RIN2: variants seen among roughly 807,000 people sequenced by gnomAD.
The protein encoded by RIN2 is RAB5 interacting protein 2.
Under a neutral mutation model 78.0 loss-of-function variants are expected in RIN2, and 36 were observed. That is an observed-to-expected ratio of 0.46 (90% CI 0.35 to 0.61). The LOEUF (loss-of-function observed/expected upper bound fraction) is 0.61, where lower values mean the gene tolerates loss of function less well. Among genes scored for constraint, RIN2 ranks in the 20% least tolerant of loss-of-function variants. The pLI is 0.00. For synonymous variants in RIN2, 466 were observed against 466.8 expected, an observed-to-expected ratio of 1.00 and a Z score of 0.02; for missense variants, 1,087 against 1,159.7, an observed-to-expected ratio of 0.94 and a Z score of 0.91.
At chr20:19,800,935 C>G (rs1043328565) in intron 2 of RIN2, among the ~76,000 whole-genome samples, 1 of 152,218 alleles carries the variant, frequency 6.6e-6, no homozygotes, top group Admixed American at 6.5e-5. Context: ...CCAGAGCTGC[C>G]TGATTTCAAG....
chr20:19,790,190 G>A (rs964360908), intron 1 of RIN2, among the ~76,000 whole-genome samples: 7 of 151,766 alleles, frequency 4.6e-5, no homozygotes, highest in Non-Finnish European at 8.8e-5. Flanking sequence ...ACTGCCTTTT[G>A]GATTTCTCAA....
At chr20:19,963,646 G>A (rs1245883302) in intron 6 of RIN2, among the ~76,000 whole-genome samples, 1 of 150,280 alleles carries the variant, frequency 6.7e-6, no homozygotes, top group African/African-American at 2.4e-5. Context: ...CAAAATAAAT[G>A]AGGGTATGAG....
intron 4 of RIN2, among the ~76,000 whole-genome samples, chr20:19,945,124 A>G (rs1427430165): frequency 6.6e-6 from 1 of 152,156 alleles, no homozygotes; most frequent in East Asian, 1.9e-4. Flanking sequence ...ACACAGGGAA[A>G]CTGAGATTAA....
intron 2 of RIN2, among the ~76,000 whole-genome samples, chr20:19,849,995 G>T (rs1217519884): frequency 6.6e-6 from 1 of 151,960 alleles, no homozygotes; most frequent in Non-Finnish European, 1.5e-5. Flanking sequence ...TCTATTTTTG[G>T]TTTTATACAA....
intron 3 of RIN2, among the ~76,000 whole-genome samples, chr20:19,906,377 A>T (rs1357135248): frequency 1.3e-5 from 2 of 152,154 alleles, no homozygotes; most frequent in African/African-American, 4.8e-5. Flanking sequence ...TGAGCCCAGG[A>T]GGTTGAGGCT....
At chr20:19,934,067 C>T (rs1182732712) in intron 3 of RIN2, among the ~76,000 whole-genome samples, 1 of 152,152 alleles carries the variant, frequency 6.6e-6, no homozygotes, top group East Asian at 1.9e-4. Context: ...GCCTCGGCCT[C>T]CCAAAGTGCT....
At chr20:19,891,489 C>T (rs2038459097) in intron 3 of RIN2, among the ~76,000 whole-genome samples, 1 of 152,170 alleles carries the variant, frequency 6.6e-6, no homozygotes, top group African/African-American at 2.4e-5. Flanking sequence ...GGAGCCGTAT[C>T]TTACATAGTA....
chr20:19,905,275 C>G (rs939689490), intron 3 of RIN2, among the ~76,000 whole-genome samples: 11 of 152,202 alleles, frequency 7.2e-5, no homozygotes. Context: ...CTGTCATGTG[C>G]ATTTTTCAGG....
intron 9 of RIN2, among the ~76,000 whole-genome samples, chr20:19,986,956 C>T (rs1203488128): frequency 6.6e-6 from 1 of 152,248 alleles, no homozygotes; most frequent in Non-Finnish European, 1.5e-5. Context: ...GGCCCAGATC[C>T]TCCCCAAGGG....
rs750843136 is a variant in RIN2, at chr20:19,996,849, A to G, written c.2364+7A>G. 2.5e-5 allele frequency: 39 copies of G among 1,576,170 alleles called. No individual in the cohort carries two copies. The East Asian group carries it at 8.6e-4, about 35-fold the overall frequency. On this transcript the variant is annotated splice_region_variant and intron_variant, in intron 12 of 12. Transcript: ENST00000255006. ...CTCTGTGGACGACTTCCAGGTGTGC[A>G]GCTGGCCACCCCTTTGCTTCCTTCG...
rs1016445362 is a variant in RIN2 at position 20,001,184 on chromosome 20, T to C, written c.*248T>C. 2 of 486,518 alleles carry C rather than the reference T, an allele frequency of 4.1e-6. No homozygotes were observed. The highest frequency in any genetic ancestry group is 3.8e-5 in the African/African-American group (2 of 52,330). The allele number at this position is 486,518 out of a possible 1,614,324, so 30.1% of individuals were successfully genotyped here. A position where few individuals can be genotyped will look rare whatever the true frequency, so the allele number is the denominator to read the frequency against. On this transcript the variant is annotated 3_prime_UTR_variant, in exon 13 of 13. Transcript: ENST00000255006. ...TCTGATGGTTCAAGTGTCCTGAGATTGTTTGCTACCTACCCCCAGTCAGGT... is the reference window on the plus strand; with the variant it reads ...TCTGATGGTTCAAGTGTCCTGAGATCGTTTGCTACCTACCCCCAGTCAGGT...
intron 3 of RIN2, among the ~76,000 whole-genome samples, chr20:19,897,044 G>A (rs2038763528): frequency 6.6e-6 from 1 of 151,984 alleles, no homozygotes; most frequent in Non-Finnish European, 1.5e-5. Context: ...ATTATTCCAT[G>A]TCTTTGAAAC....
intron 2 of RIN2, among the ~76,000 whole-genome samples, chr20:19,825,609 C>G (rs931968368): frequency 6.6e-6 from 1 of 152,180 alleles, no homozygotes; most frequent in East Asian, 1.9e-4. Context: ...TTAAGCTGAG[C>G]CCTTCATTCT....
intron 9 of RIN2, among the ~76,000 whole-genome samples, chr20:19,985,500 A>T (rs977448567): frequency 6.6e-6 from 1 of 152,230 alleles, no homozygotes; most frequent in African/African-American, 2.4e-5. Flanking sequence ...ATCATTTAGA[A>T]ACATTTAGTT....
At chr20:19,780,788 A>T (rs186593116) in intron 1 of RIN2, among the ~76,000 whole-genome samples, 3 of 152,338 alleles carry the variant, frequency 2.0e-5, no homozygotes, top group East Asian at 3.9e-4. Flanking sequence ...TGAAAATAAG[A>T]ATAGCACCTG....
rs115058949 is a variant in RIN2 at position 19,994,157 on chromosome 20, C to T, written c.2200+1858C>T. On this transcript the variant is annotated intron_variant, in intron 11 of 12. Coordinates refer to ENST00000255006, the MANE Select transcript of RIN2 (RefSeq NM_018993.4). The stretch of plus-strand genomic sequence containing the variant: ...AGGATACAAAAGCTGCTGGTGAGCT[C>T]GCACTTAAATAGAGCCTGCTTCCAC... 4.8e-3 allele frequency among the ~76,000 whole-genome samples: 738 copies of T among 152,328 alleles called. 1 individual carries two copies. The highest frequency in any genetic ancestry group is 0.017 in the African/African-American group (722 of 41,572).
intron 1 of RIN2, among the ~76,000 whole-genome samples, chr20:19,780,222 A>C (rs1319126053): frequency 2.0e-5 from 3 of 152,230 alleles, no homozygotes; most frequent in Admixed American, 6.5e-5. Context: ...TTAAGGCTGC[A>C]TTTGCCTAGA....
intron 3 of RIN2, among the ~76,000 whole-genome samples, chr20:19,916,895 A>G (rs2039706124): frequency 1.3e-5 from 2 of 152,176 alleles, no homozygotes; most frequent in South Asian, 4.1e-4. Flanking sequence ...GCTGCTTGAT[A>G]TACAGATCCT....
chr20:19,978,911 G>A (rs147249210), intron 9 of RIN2, among the ~76,000 whole-genome samples: 4 of 152,356 alleles, frequency 2.6e-5, no homozygotes, highest in African/African-American at 9.6e-5. Context: ...CACGGACAGT[G>A]TGCTGCGCTC....
Sources: gnomAD v4.1 joint callset for allele counts (sites outside exome capture counted in the v4.1 genomes callset) on GRCh38, gnomAD v4.1.1 for gene constraint, MANE v1.5 for transcripts, NCBI Gene and HGNC (gene_info 2026-07-23, HGNC 2026-07-21) for gene names.